The following SLC4A4 variants were observed in gnomAD, a reference collection of about 807,000 sequenced individuals.
SLC4A4 encodes the protein electrogenic sodium bicarbonate cotransporter 1.
A neutral mutation model predicts 111.5 loss-of-function variants in SLC4A4; 27 were observed. That is an observed-to-expected ratio of 0.24 (90% confidence interval 0.18 to 0.33). SLC4A4 has a LOEUF of 0.33. SLC4A4 is among the 10% of genes least tolerant of loss of function. The pLI, the probability that SLC4A4 is intolerant of heterozygous loss-of-function variation, is 1.00. For synonymous variants in SLC4A4, 443 were observed against 463.4 expected (o/e 0.96, Z 0.57); for missense variants, 909 against 1,315.5 (o/e 0.69, Z 4.78).
chr4:71,253,121 C>T (rs368695586), intron 2 of SLC4A4, among the ~76,000 whole-genome samples: 23 of 152,102 alleles, frequency 1.5e-4, no homozygotes, highest in East Asian at 9.6e-4. Context: ...CCTATCATCA[C>T]GATGTGAACA....
At chr4:71,346,162 C>T (rs1332437387) in intron 4 of SLC4A4, among the ~76,000 whole-genome samples, 1 of 151,234 alleles carries the variant, frequency 6.6e-6, no homozygotes, top group Non-Finnish European at 1.5e-5. Context: ...TTTTTTTCTT[C>T]AACAAACGAA....
At chr4:71,198,908 A>G (rs945988635) in intron 1 of SLC4A4, among the ~76,000 whole-genome samples, 4 of 152,240 alleles carry the variant, frequency 2.6e-5, no homozygotes, top group Admixed American at 6.5e-5. Context: ...TGTTTTTACC[A>G]CAAGAGGAGA....
chr4:71,462,571 G>A (rs1321965772), intron 12 of SLC4A4, among the ~76,000 whole-genome samples: 1 of 151,936 alleles, frequency 6.6e-6, no homozygotes, highest in African/African-American at 2.4e-5. Flanking sequence ...ACCATGCCTG[G>A]CTAATTTTTG....
rs374587035 is a variant in SLC4A4, at chr4:71,190,368, TTCTG to T, written c.-2+2971_-2+2974del. Reference sequence around the variant, plus strand: ...TAGGGATGGAGTCTCCTTTACTCAGTTCTGTCTATGTATGTTTACACACACACAC... The same window carrying T: ...TAGGGATGGAGTCTCCTTTACTCAGTTCTATGTATGTTTACACACACACAC... On this transcript the variant is annotated intron_variant, in intron 1 of 25. Coordinates refer to ENST00000264485, the MANE Select transcript of SLC4A4 (RefSeq NM_001098484.3). Among the ~76,000 whole-genome samples, 701 of 147,090 alleles carry T rather than the reference TTCTG, an allele frequency of 4.8e-3. 6 individuals are homozygous for T. The highest frequency in any genetic ancestry group is 0.017 in the African/African-American group (664 of 40,138).
intron 7 of SLC4A4, among the ~76,000 whole-genome samples, chr4:71,404,854 G>A (rs1720699280): frequency 6.6e-6 from 1 of 151,916 alleles, no homozygotes; most frequent in African/African-American, 2.4e-5. Context: ...GGAGTACAGT[G>A]GCACAATCTT....
chr4:71,150,151 T>C (rs1214489529), intron 2 of SLC4A4, among the ~76,000 whole-genome samples: 1 of 152,184 alleles, frequency 6.6e-6, no homozygotes, highest in Non-Finnish European at 1.5e-5. Flanking sequence ...TTTGGTATTG[T>C]TACAAAAATA....
chr4:71,302,519 T>C (rs1725355569), intron 3 of SLC4A4, among the ~76,000 whole-genome samples: 1 of 152,190 alleles, frequency 6.6e-6, no homozygotes, highest in Admixed American at 6.5e-5. Flanking sequence ...GCAAACTGTG[T>C]TGCAAAGGGA....
At chr4:71,178,969 A>C (rs887273381) in intron 2 of SLC4A4, among the ~76,000 whole-genome samples, 7 of 152,242 alleles carry the variant, frequency 4.6e-5, no homozygotes, top group African/African-American at 1.7e-4. Flanking sequence ...AATACTGGCA[A>C]ACCGAATCCA....
chr4:71,371,946 A>C (rs1731931046), intron 6 of SLC4A4, among the ~76,000 whole-genome samples: 1 of 152,180 alleles, frequency 6.6e-6, no homozygotes, highest in Admixed American at 6.5e-5. Flanking sequence ...GAAACCGTTA[A>C]CCAAAAGTGA....
intron 15 of SLC4A4, among the ~76,000 whole-genome samples, chr4:71,496,316 G>A (rs1379904572): frequency 6.6e-6 from 1 of 152,020 alleles, no homozygotes. Flanking sequence ...GATTTGGGGT[G>A]CGTGTGACTT....
At chr4:71,321,579 T>G (rs185470962) in intron 3 of SLC4A4, among the ~76,000 whole-genome samples, 9 of 151,960 alleles carry the variant, frequency 5.9e-5, no homozygotes, top group Admixed American at 5.3e-4. Context: ...TCACCCCCAG[T>G]TCTGGAGGGT....
Position 71,148,957 on chromosome 4 carries a change from G to T in SLC4A4, c.-2+56165G>T, listed in dbSNP as rs1225666208. On this transcript the variant is annotated intron_variant, in intron 2 of 26. Coordinates refer to the SLC4A4 transcript ENST00000649996. ...GTATTTCTGTCTTTTGGTCTTTGAG[G>T]AATTGCCACAGTGTCTTCCACAATG... Among the ~76,000 whole-genome samples, 6 of 152,058 alleles carry T rather than the reference G, an allele frequency of 3.9e-5. No homozygotes were observed. The South Asian group carries it at 8.3e-4, about 21-fold the overall frequency.
chr4:71,089,311 A>G (rs1423447962), intron 1 of SLC4A4, among the ~76,000 whole-genome samples: 1 of 151,786 alleles, frequency 6.6e-6, no homozygotes, highest in Non-Finnish European at 1.5e-5. Context: ...ATTTTTTTTC[A>G]AGGTTTTTAA....
In SLC4A4 at chr4:71,472,759, A is replaced by C. The variant is rs751143309; in HGVS notation, c.1692A>C (p.Leu564=). The C allele has an allele frequency of 1.2e-6, 2 of 1,612,688 alleles. No homozygotes were observed. Among genetic ancestry groups the C allele is most frequent in the South Asian group, 1.1e-5 (1 of 91,018 alleles). ...GGATTGGCCTGTGGTCCGCCTTCCTATGTCTCATTTTGGTAGCCACTGATG... is the reference window on the plus strand; with the variant it reads ...GGATTGGCCTGTGGTCCGCCTTCCTCTGTCTCATTTTGGTAGCCACTGATG... ...RLWIGLWSAF[L]CLILVATDAS... The change falls in exon 14 of 26, where the codon CTA becomes CTC. Residue 564 remains leucine (L), a synonymous_variant. Coordinates refer to ENST00000264485, the MANE Select transcript of SLC4A4 (RefSeq NM_001098484.3).
intron 16 of SLC4A4, among the ~76,000 whole-genome samples, chr4:71,511,395 C>T (rs1313842057): frequency 6.6e-6 from 1 of 151,852 alleles, no homozygotes; most frequent in Non-Finnish European, 1.5e-5. Context: ...GCAATGTTTT[C>T]CCCTTATGCT....
At chr4:71,468,343 T>G (rs949069820) in intron 13 of SLC4A4, among the ~76,000 whole-genome samples, 2 of 152,078 alleles carry the variant, frequency 1.3e-5, no homozygotes, top group South Asian at 4.1e-4. Flanking sequence ...CAGAAAGATT[T>G]ATTGGATGAA....
At chr4:71,556,840 C>T (rs907586224) in intron 21 of SLC4A4, among the ~76,000 whole-genome samples, 15 of 151,844 alleles carry the variant, frequency 9.9e-5, no homozygotes, top group Non-Finnish European at 2.1e-4. Context: ...CACTTCTTTC[C>T]CTCCAGAAAG....
chr4:71,180,272 A>T (rs1215760938), intron 2 of SLC4A4, among the ~76,000 whole-genome samples: 1 of 152,240 alleles, frequency 6.6e-6, no homozygotes, highest in Non-Finnish European at 1.5e-5. Context: ...AGGCAATACC[A>T]TTCAGGACAT....
rs73826284 is a variant in SLC4A4 at position 71,354,536 on chromosome 4, A to G, written c.551-2472A>G. Among the ~76,000 whole-genome samples the G allele has an allele frequency of 7.9e-3, 1,203 of 152,246 alleles. 17 individuals carry two copies. Among genetic ancestry groups the G allele is most frequent in the African/African-American group, 0.026 (1,065 of 41,552 alleles). ...GGGGTTGATTCAATAAGAAACATAT[A>G]TTATCTTAGTTAATCTTGAAGTTGA... On this transcript the variant is annotated intron_variant, in intron 5 of 25. Coordinates refer to ENST00000264485, the MANE Select transcript of SLC4A4 (RefSeq NM_001098484.3).
Sources: allele counts gnomAD v4.1 joint callset (sites outside exome capture counted in the v4.1 genomes callset), GRCh38; gene constraint gnomAD v4.1.1; transcripts MANE v1.5; gene names NCBI Gene and HGNC (gene_info 2026-07-23, HGNC 2026-07-21).